Variants in SFMBT2 observed in about 807,000 individuals in gnomAD.
The protein encoded by SFMBT2 is Scm like with four mbt domains 2, also known as scm-like with four MBT domains protein 2.
SFMBT2 carries 38 observed loss-of-function variants against 110.1 expected under a neutral mutation model. The observed-to-expected ratio is 0.35, with a 90% CI of 0.27 to 0.45. SFMBT2 has a LOEUF of 0.45. SFMBT2 is among the 20% of genes least tolerant of loss of function. The pLI is 1.00. For missense variants in SFMBT2, 1,011 were observed against 1,094.9 expected (o/e 0.92, Z 1.08); for synonymous variants, 425 against 425.4 (o/e 1.00, Z 0.01).
At chr10:7,319,738 TAGAGAGACAGAGAG>T (rs1221547712) in intron 4 of SFMBT2, among the ~76,000 whole-genome samples, 11 of 81,606 alleles carry the variant, frequency 1.3e-4, no homozygotes, top group South Asian at 8.2e-4. Context: ...GAGAGGAAGA[TAGAGAGACAGAGAG>T]AGAGAGACAG....
intron 4 of SFMBT2, among the ~76,000 whole-genome samples, chr10:7,315,816 G>A (rs1402387943): frequency 1.3e-5 from 2 of 152,150 alleles, no homozygotes; most frequent in Non-Finnish European, 2.9e-5. Context: ...GGTTTCCACA[G>A]GGACAAGAAC....
At chr10:7,188,372 A>T (rs1353312519) in intron 16 of SFMBT2, among the ~76,000 whole-genome samples, 1 of 152,216 alleles carries the variant, frequency 6.6e-6, no homozygotes, top group Non-Finnish European at 1.5e-5. Context: ...AGTTTTTATG[A>T]TGCTGAATGT....
intron 10 of SFMBT2, among the ~76,000 whole-genome samples, chr10:7,227,590 C>T (rs1160040511): frequency 6.6e-6 from 1 of 152,220 alleles, no homozygotes. Flanking sequence ...AGACCCTGGG[C>T]TCTTCCATAA....
At chr10:7,305,256 T>G (rs1842660198) in intron 4 of SFMBT2, among the ~76,000 whole-genome samples, 1 of 152,230 alleles carries the variant, frequency 6.6e-6, no homozygotes, top group African/African-American at 2.4e-5. Context: ...CTTGGCATGA[T>G]GATTAAATGA....
chr10:7,350,219 CGCTGATGGGGTCTTGTCCATCCT>C (rs1402486545), intron 4 of SFMBT2, among the ~76,000 whole-genome samples: 5 of 152,074 alleles, frequency 3.3e-5, no homozygotes, highest in Admixed American at 6.5e-5. Flanking sequence ...GGGTCCATCC[CGCTGATGGGGTCTTGTCCATCCT>C]GCTGATGGGG....
At chr10:7,228,785 CCT>C (rs1840023916) in intron 9 of SFMBT2, among the ~76,000 whole-genome samples, 2 of 94,474 alleles carry the variant, frequency 2.1e-5, no homozygotes, top group African/African-American at 7.0e-5. Context: ...TCTCTCTCCC[CCT>C]CCCTCTCTCT....
At chr10:7,207,842 C>A (rs989632043) in intron 11 of SFMBT2, among the ~76,000 whole-genome samples, 5 of 152,222 alleles carry the variant, frequency 3.3e-5, no homozygotes, top group Non-Finnish European at 7.3e-5. Flanking sequence ...GTGCTCTGAA[C>A]ATGGACAGCA....
chr10:7,262,122 C>T (rs1244989856), intron 7 of SFMBT2, among the ~76,000 whole-genome samples: 1 of 151,954 alleles, frequency 6.6e-6, no homozygotes, highest in Admixed American at 6.6e-5. Flanking sequence ...AAGAGAGAAG[C>T]TCAAACTTCT....
chr10:7,341,756 T>C (rs1207207454), intron 4 of SFMBT2, among the ~76,000 whole-genome samples: 2 of 152,072 alleles, frequency 1.3e-5, no homozygotes, highest in Admixed American at 6.6e-5. Context: ...AGCAATAGAG[T>C]CTGGAAAACG....
intron 4 of SFMBT2, among the ~76,000 whole-genome samples, chr10:7,359,917 G>C (rs988984627): frequency 1.3e-4 from 20 of 151,114 alleles, no homozygotes; most frequent in Admixed American, 6.0e-4. Flanking sequence ...TCAAAGCATC[G>C]ATTTCAGAAC....
In SFMBT2 at chr10:7,367,977, C is replaced by A. The variant is rs1360770641; in HGVS notation, c.196-88G>T. The A allele has an allele frequency of 4.0e-5, 61 of 1,511,612 alleles. 1 individual carries two copies. The highest frequency in any genetic ancestry group is 2.3e-5 in the Non-Finnish European group (26 of 1,124,070). 93.6% of individuals were successfully genotyped at this position (1,511,612 alleles called of 1,614,324 possible). A position where few individuals can be genotyped will look rare whatever the true frequency, so the allele number is the denominator to read the frequency against. ...ACAAAAACCACTAAAAAATATGGCA[C>A]TTACAAACAATATTCCTGTTGCTCT... On this transcript the variant is annotated intron_variant, in intron 3 of 20. Coordinates refer to ENST00000397167, the MANE Select transcript of SFMBT2 (RefSeq NM_001387889.1). This position sits in a 1 kb window ranked among gnomAD's most constrained non-coding sequence, Gnocchi z 6.2.
intron 16 of SFMBT2, among the ~76,000 whole-genome samples, chr10:7,178,701 A>G (rs749589824): frequency 5.9e-5 from 9 of 152,186 alleles, no homozygotes; most frequent in Non-Finnish European, 1.3e-4. Flanking sequence ...TGAATTCACC[A>G]GTGTAAAACT....
intron 14 of SFMBT2, among the ~76,000 whole-genome samples, chr10:7,198,898 G>A (rs538243980): frequency 1.3e-4 from 20 of 152,054 alleles, no homozygotes; most frequent in East Asian, 1.9e-4. Context: ...AAAATTAGCC[G>A]GGCATGGTAG....
intron 1 of SFMBT2, among the ~76,000 whole-genome samples, chr10:7,405,063 T>G (rs190690851): frequency 6.6e-6 from 1 of 152,176 alleles, no homozygotes; most frequent in African/African-American, 2.4e-5. Context: ...TTCTTAGGAA[T>G]TGTCCCAGAA....
At chr10:7,238,299 T>C (rs1411455569) in intron 9 of SFMBT2, among the ~76,000 whole-genome samples, 1 of 152,182 alleles carries the variant, frequency 6.6e-6, no homozygotes, top group Non-Finnish European at 1.5e-5. Flanking sequence ...GGATGAGGTA[T>C]GGGGCATGAG....
intron 7 of SFMBT2, among the ~76,000 whole-genome samples, chr10:7,256,208 T>A (rs547772470): frequency 6.6e-6 from 1 of 152,282 alleles, no homozygotes; most frequent in South Asian, 2.1e-4. Flanking sequence ...GCAGCCTGAT[T>A]CAGTCTGAGC....
chr10:7,294,255 G>A (rs1205832599), intron 4 of SFMBT2, among the ~76,000 whole-genome samples: 2 of 152,168 alleles, frequency 1.3e-5, no homozygotes, highest in East Asian at 1.9e-4. Flanking sequence ...CTCACCCAGT[G>A]CATCTGTATG....
At chr10:7,254,639 G>A (rs972032183) in intron 7 of SFMBT2, among the ~76,000 whole-genome samples, 29 of 152,018 alleles carry the variant, frequency 1.9e-4, no homozygotes, top group African/African-American at 6.3e-4. Flanking sequence ...GGCCAACATG[G>A]TGAAACCCCA....
chr10:7,286,002 C>T (rs1358611971), intron 4 of SFMBT2, 48 bp from the exon 5 acceptor site: 1 of 830,670 alleles, frequency 1.2e-6, no homozygotes, highest in East Asian at 2.4e-5. Flanking sequence ...AAAAAAAACA[C>T]TTCAACACAG....
Sources: allele counts gnomAD v4.1 joint callset (sites outside exome capture counted in the v4.1 genomes callset), GRCh38; gene constraint gnomAD v4.1.1; non-coding constraint Gnocchi (gnomAD v3.1); transcripts MANE v1.5; gene names NCBI Gene and HGNC (gene_info 2026-07-23, HGNC 2026-07-21).